Variants in NOS1AP observed in about 807,000 individuals in gnomAD.
The protein encoded by NOS1AP is carboxyl-terminal PDZ ligand of neuronal nitric oxide synthase protein.
NOS1AP carries 21 observed loss-of-function variants against 56.2 expected under a neutral mutation model. That is an observed-to-expected ratio of 0.37 (90% CI 0.26 to 0.54). The LOEUF is 0.54. NOS1AP is among the 20% of genes least tolerant of loss of function. The pLI is 0.84. For synonymous variants in NOS1AP, 270 were observed against 274.6 expected (o/e 0.98, Z 0.17); for missense variants, 522 against 657.8 (o/e 0.79, Z 2.26).
intron 4 of NOS1AP, among the ~76,000 whole-genome samples, chr1:162,332,074 T>TGACC (rs1656787921): frequency 6.6e-6 from 1 of 152,234 alleles, no homozygotes; most frequent in Non-Finnish European, 1.5e-5. Flanking sequence ...GCTGCATCTA[T>TGACC]TACCTTGTTG....
chr1:162,151,090 G>A lies in NOS1AP; in HGVS notation c.106-3315G>A, dbSNP rs114551063. Among the ~76,000 whole-genome samples, 2,104 of 152,280 alleles carry A rather than the reference G, an allele frequency of 0.014. 76 individuals are homozygous for A. In the East Asian group the frequency reaches 0.17, roughly 13 times the overall value. On this transcript the variant is annotated intron_variant, in intron 1 of 9. Transcript: ENST00000361897. ...CATTTTCTTTTAACAGTTTCATAGT[G>A]TGAGGTCTTAGTTTTAAGTCTTTAG...
chr1:162,221,030 C>T (rs781286542), intron 2 of NOS1AP, among the ~76,000 whole-genome samples: 4 of 152,162 alleles, frequency 2.6e-5, no homozygotes, highest in African/African-American at 4.8e-5. Flanking sequence ...CAACCTCCAC[C>T]TCTCGGGTTC....
chr1:162,205,165 T>A (rs906663603), intron 2 of NOS1AP, among the ~76,000 whole-genome samples: 4 of 152,252 alleles, frequency 2.6e-5, no homozygotes, highest in Admixed American at 2.6e-4. Flanking sequence ...GAACCCCAGA[T>A]GGGAAGTTGG....
At chr1:162,312,204 G>A (rs1199534191) in intron 4 of NOS1AP, among the ~76,000 whole-genome samples, 1 of 145,256 alleles carries the variant, frequency 6.9e-6, no homozygotes, top group Non-Finnish European at 1.5e-5. Context: ...CACCAACAGT[G>A]TAAAAGTGTT....
intron 1 of NOS1AP, among the ~76,000 whole-genome samples, chr1:162,074,494 G>A (rs371576241): frequency 4.9e-4 from 74 of 152,288 alleles, no homozygotes; most frequent in African/African-American, 1.7e-3. Context: ...TCATTGTACA[G>A]ATGAGGAAAT....
intron 1 of NOS1AP, among the ~76,000 whole-genome samples, chr1:162,095,629 C>G (rs185547497): frequency 6.6e-5 from 10 of 152,084 alleles, no homozygotes; most frequent in Non-Finnish European, 4.4e-5. Flanking sequence ...CTGTAGGGAC[C>G]ATATTAGACT....
At chr1:162,171,209 A>T (rs1435967950) in intron 2 of NOS1AP, among the ~76,000 whole-genome samples, 1 of 152,112 alleles carries the variant, frequency 6.6e-6, no homozygotes, top group Admixed American at 6.5e-5. Context: ...AGAGATCAAG[A>T]TCCTCATGCT....
chr1:162,364,226 C>T (rs1054419145), intron 8 of NOS1AP: 3 of 985,516 alleles, frequency 3.0e-6, no homozygotes, highest in Admixed American at 1.2e-4. Context: ...CCTCGTCCCA[C>T]CTCTCCTGCC....
At chr1:162,341,637 G>T (rs1657108222) in intron 5 of NOS1AP, among the ~76,000 whole-genome samples, 2 of 152,164 alleles carry the variant, frequency 1.3e-5, no homozygotes, top group Admixed American at 6.5e-5. Flanking sequence ...ACAGTGGTAG[G>T]CAGAATAAAG....
chr1:162,343,708 A>G, intron 5 of NOS1AP, 127 bp from the exon 6 acceptor site: 1 of 1,042,040 alleles, frequency 9.6e-7, no homozygotes, highest in Non-Finnish European at 1.5e-6. Context: ...CTTTGCACTC[A>G]TTTGTATGTG....
rs1424932161 is a variant in NOS1AP, at chr1:162,147,854, C to G, written c.106-6551C>G. On this transcript the variant is annotated intron_variant, in intron 1 of 9. Coordinates refer to ENST00000361897, the MANE Select transcript of NOS1AP (RefSeq NM_014697.3). ...GCCCTGGTATTTTTAAACTCCTTTA[C>G]CTTATTTCCCCTTAAGCTCAGTGGT... Among the ~76,000 whole-genome samples the G allele has an allele frequency of 2.0e-5, 3 of 152,078 alleles. No individual in the cohort carries two copies. The East Asian group carries it at 5.8e-4, about 29-fold the overall frequency.
intron 4 of NOS1AP, among the ~76,000 whole-genome samples, chr1:162,314,398 T>G (rs6676704): frequency 0.027 from 4,058 of 152,286 alleles, 151 homozygotes; most frequent in African/African-American, 0.078. Context: ...GGGAGGGAAT[T>G]ACCCTATGGA....
chr1:162,294,172 G>C (rs1655364131), intron 3 of NOS1AP, among the ~76,000 whole-genome samples: 2 of 133,936 alleles, frequency 1.5e-5, no homozygotes, highest in Admixed American at 1.7e-4. Context: ...AGGAAGGCAG[G>C]TAGGAAGGAA....
chr1:162,298,191 C>A (rs541289637), intron 3 of NOS1AP, among the ~76,000 whole-genome samples: 1 of 152,336 alleles, frequency 6.6e-6, no homozygotes, highest in Non-Finnish European at 1.5e-5. Flanking sequence ...TGAGGTGCCC[C>A]AACACCCCCT....
chr1:162,259,360 A>G (rs1193276620), intron 2 of NOS1AP, among the ~76,000 whole-genome samples: 2 of 152,186 alleles, frequency 1.3e-5, no homozygotes, highest in African/African-American at 4.8e-5. Context: ...CAATACAAAT[A>G]TAGTTTCATA....
chr1:162,365,146 C>G (rs1658035944), intron 8 of NOS1AP: 3 of 1,410,884 alleles, frequency 2.1e-6, no homozygotes, highest in East Asian at 2.6e-5. Flanking sequence ...TGCCTCTTGC[C>G]CTTGGTATGG....
chr1:162,279,414 A>G (rs1289061328), intron 2 of NOS1AP, among the ~76,000 whole-genome samples: 1 of 152,190 alleles, frequency 6.6e-6, no homozygotes, highest in Admixed American at 6.5e-5. Flanking sequence ...GACTTGCCCT[A>G]TGCCATCATG....
At chr1:162,243,470 G>A (rs574121833) in intron 2 of NOS1AP, among the ~76,000 whole-genome samples, 1 of 152,314 alleles carries the variant, frequency 6.6e-6, no homozygotes, top group South Asian at 2.1e-4. Context: ...GATTAGTAAT[G>A]TGTTTCAACT....
intron 2 of NOS1AP, among the ~76,000 whole-genome samples, chr1:162,194,494 T>C (rs1366544201): frequency 2.0e-5 from 3 of 152,184 alleles, no homozygotes; most frequent in Non-Finnish European, 4.4e-5. Context: ...GGCACTGTGG[T>C]TTCTACTTTC....
Sources: allele counts gnomAD v4.1 joint callset (sites outside exome capture counted in the v4.1 genomes callset), GRCh38; gene constraint gnomAD v4.1.1; transcripts MANE v1.5; gene names NCBI Gene and HGNC (gene_info 2026-07-23, HGNC 2026-07-21).